MUC7: variants seen among roughly 807,000 people sequenced by gnomAD.
MUC7 encodes the protein mucin 7, secreted, also known as mucin-7.
A neutral mutation model predicts 2.5 loss-of-function variants in MUC7; 2 were observed. The ratio of observed to expected loss-of-function variants is 0.81; its 90% CI spans 0.33 to 2.55. The LOEUF (loss-of-function observed/expected upper bound fraction) is 2.55, where lower values mean the gene tolerates loss of function less well. Ranked by LOEUF, MUC7 falls within the 30% of genes most tolerant of loss-of-function variation. The pLI, the probability that MUC7 is intolerant of heterozygous loss-of-function variation, is 0.11. For missense variants in MUC7, 408 were observed against 455.6 expected (o/e 0.90, Z 0.95); for synonymous variants, 133 against 173.4 (o/e 0.77, Z 1.83).
In MUC7 at chr4:70,482,001, C is replaced by T. The variant is rs1735214059; in HGVS notation, c.*123C>T. ...ATATTACTCAGATTTAAAGCACTAT[C>T]ATTAATCTTTCAATCTAATTATTCA... On this transcript the variant is annotated 3_prime_UTR_variant, in exon 3 of 3. Transcript: ENST00000304887. 3.4e-6 allele frequency: 4 copies of T among 1,180,584 alleles called. No individual in the cohort carries two copies. The highest frequency in any genetic ancestry group is 3.1e-5 in the South Asian group (2 of 63,608). 73.1% of individuals were successfully genotyped at this position (1,180,584 alleles called of 1,614,324 possible).
Position 70,481,997 on chromosome 4 carries a change from C to G in MUC7, c.*119C>G. 1 of 1,207,030 alleles carries G rather than the reference C, an allele frequency of 8.3e-7. No individual in the cohort carries two copies. The allele number at this position is 1,207,030 out of a possible 1,614,324, so 74.8% of individuals were successfully genotyped here. On this transcript the variant is annotated 3_prime_UTR_variant, in exon 3 of 3. Coordinates refer to ENST00000304887, the MANE Select transcript of MUC7 (RefSeq NM_152291.3). ...AATTATATTACTCAGATTTAAAGCA[C>G]TATCATTAATCTTTCAATCTAATTA...
intron 1 of MUC7, among the ~76,000 whole-genome samples, chr4:70,447,102 A>G (rs768568044): frequency 1.3e-5 from 2 of 152,196 alleles, no homozygotes; most frequent in Non-Finnish European, 1.5e-5. Context: ...TTCCAAAAGT[A>G]TCACCAAGTC....
At chr4:70,438,987 A>T (rs1645920123) in intron 1 of MUC7, among the ~76,000 whole-genome samples, 1 of 152,212 alleles carries the variant, frequency 6.6e-6, no homozygotes, top group Admixed American at 6.5e-5. Flanking sequence ...AAAGAAAGAG[A>T]GTTACTGCTC....
At chr4:70,431,062 A>G (rs769958773) in intron 1 of MUC7, among the ~76,000 whole-genome samples, 6 of 152,144 alleles carry the variant, frequency 3.9e-5, no homozygotes, top group Non-Finnish European at 7.4e-5. Flanking sequence ...ACTTTTCAGT[A>G]TGTAATGGTT....
chr4:70,481,727 C>A lies in MUC7; in HGVS notation c.983C>A (p.Ala328Glu). 6.2e-7 allele frequency: 1 copy of A among 1,614,218 alleles called. No homozygotes were observed. Among genetic ancestry groups the A allele is most frequent in the South Asian group, 1.1e-5 (1 of 91,074 alleles). The change falls in exon 3 of 3, where the codon GCA becomes GAA. Residue 328 changes from alanine (A) to glutamate (E), a missense_variant. Around this residue, in one of 3 missense-constraint regions of MUC7, gnomAD observed 175 missense variants for 187.1 expected, o/e 0.94. Transcript: ENST00000304887. Reference sequence around the variant, plus strand: ...CCTGACACTTCTGAAACTTCAGCTGCACCCACACACCAGACTACTACTTCG... The same window carrying A: ...CCTGACACTTCTGAAACTTCAGCTGAACCCACACACCAGACTACTACTTCG... ...LAPDTSETSA[A>E]PTHQTTTSVT...
chr4:70,447,983 T>A (rs961752040), intron 1 of MUC7, among the ~76,000 whole-genome samples: 1 of 152,188 alleles, frequency 6.6e-6, no homozygotes, highest in South Asian at 2.1e-4. Flanking sequence ...ACTCTCTATG[T>A]CCATGAGTTC....
chr4:70,448,919 G>T (rs1037977053), intron 1 of MUC7, among the ~76,000 whole-genome samples: 20 of 152,158 alleles, frequency 1.3e-4, no homozygotes. Context: ...TTAGATTTAA[G>T]TCTTTAATCC....
At chr4:70,436,085 G>A (rs1489582572) in intron 1 of MUC7, among the ~76,000 whole-genome samples, 2 of 152,204 alleles carry the variant, frequency 1.3e-5, no homozygotes, top group Non-Finnish European at 2.9e-5. Flanking sequence ...TTAGTCTGAT[G>A]AGCTTCCCTT....
intron 2 of MUC7, 41 bp from the exon 3 acceptor site, chr4:70,480,758 G>A (rs772098641): frequency 6.3e-7 from 1 of 1,592,008 alleles, no homozygotes; most frequent in Non-Finnish European, 8.6e-7. Context: ...TTGATAAATG[G>A]ATACTTTTTT....
At chr4:70,469,243 T>C (rs1479242815), upstream of MUC7, among the ~76,000 whole-genome samples, 2 of 152,166 alleles carry the variant, frequency 1.3e-5, no homozygotes, top group African/African-American at 4.8e-5. Context: ...TAACACCTTA[T>C]ACAAAAATTA....
At chr4:70,480,680 G>A (rs1468036891) in intron 2 of MUC7, 119 bp from the exon 3 acceptor site, 5 of 1,020,084 alleles carry the variant, frequency 4.9e-6, no homozygotes. Flanking sequence ...ACTCAATAAT[G>A]TACTCTGGTT....
intron 1 of MUC7, among the ~76,000 whole-genome samples, chr4:70,448,795 T>C (rs1297088480): frequency 6.6e-6 from 1 of 152,202 alleles, no homozygotes; most frequent in African/African-American, 2.4e-5. Flanking sequence ...CATTTGTTCA[T>C]TTTTGCTTTG....
At position 70,450,135 on chromosome 4, in the gene MUC7, T is replaced by C. The variant is rs545176241; in HGVS notation, c.-93+19448T>C. ...TATAAGTCTACGTACTGTTCTATTGTACTGCAGCAGTGCTGGCACTCAAGC... is the reference window on the plus strand; with the variant it reads ...TATAAGTCTACGTACTGTTCTATTGCACTGCAGCAGTGCTGGCACTCAAGC... On this transcript the variant is annotated intron_variant, in intron 1 of 3. Transcript: ENST00000413702. Among the ~76,000 whole-genome samples the C allele has an allele frequency of 3.9e-5, 6 of 152,358 alleles. No individual in the cohort carries two copies. The East Asian group carries it at 1.2e-3, about 29-fold the overall frequency.
chr4:70,444,443 A>T (rs1312808554), intron 1 of MUC7, among the ~76,000 whole-genome samples: 1 of 152,122 alleles, frequency 6.6e-6, no homozygotes, highest in East Asian at 1.9e-4. Context: ...CCTACTCCTT[A>T]CAACTATCAC....
At chr4:70,445,856 T>G (rs1450060483) in intron 1 of MUC7, among the ~76,000 whole-genome samples, 1 of 152,218 alleles carries the variant, frequency 6.6e-6, no homozygotes. Context: ...GGAGAATGAA[T>G]GTACAACGGA....
intron 1 of MUC7, among the ~76,000 whole-genome samples, chr4:70,435,059 G>A (rs1733791823): frequency 6.6e-6 from 1 of 152,166 alleles, no homozygotes; most frequent in Non-Finnish European, 1.5e-5. Flanking sequence ...TGATTGCACT[G>A]TGGTCTAAGA....
chr4:70,479,293 G>T (rs1297028303), intron 2 of MUC7, among the ~76,000 whole-genome samples: 1 of 152,126 alleles, frequency 6.6e-6, no homozygotes, highest in Non-Finnish European at 1.5e-5. Flanking sequence ...TGAGCCTCAC[G>T]ATGGTCCCTG....
intron 1 of MUC7, among the ~76,000 whole-genome samples, chr4:70,431,897 C>T (rs1238449238): frequency 6.6e-6 from 1 of 152,084 alleles, no homozygotes; most frequent in Admixed American, 6.6e-5. Context: ...TCCCTCCCCT[C>T]TGCCCCCACC....
rs1321454958 is a variant in MUC7 at position 70,481,104 on chromosome 4, C to G, written c.360C>G (p.Ser120=). ...QIPSVTFPSA[S]TKITTLPNVT... The stretch of plus-strand genomic sequence containing the variant: ...CATCTGTGACTTTCCCATCAGCTTC[C>G]ACCAAAATTACTACCCTTCCAAATG... Residue 120 remains serine, a synonymous_variant, in exon 3 of 3, where the codon TCC becomes TCG. Transcript: ENST00000304887. 6.2e-7 allele frequency: 1 copy of G among 1,614,038 alleles called. No individual in the cohort carries two copies. The highest frequency in any genetic ancestry group is 2.2e-5 in the East Asian group (1 of 44,860).
Sources: gnomAD v4.1 joint callset for allele counts (sites outside exome capture counted in the v4.1 genomes callset) on GRCh38, gnomAD v4.1.1 for gene constraint, gnomAD v4.1.1 regional missense constraint, MANE v1.5 for transcripts, NCBI Gene and HGNC (gene_info 2026-07-23, HGNC 2026-07-21) for gene names.